The following GPC5 variants were observed in gnomAD, a reference collection of about 807,000 sequenced individuals.
The protein encoded by GPC5 is glypican-5.
GPC5 carries 47 observed loss-of-function variants against 53.9 expected under a neutral mutation model. The ratio of observed to expected loss-of-function variants is 0.87; its 90% CI spans 0.69 to 1.11. The LOEUF (loss-of-function observed/expected upper bound fraction) is 1.11. Ranked by LOEUF, GPC5 falls within the 50% of genes most tolerant of loss-of-function variation. The pLI is 0.00. For synonymous variants in GPC5, 286 were observed against 263.3 expected, an observed-to-expected ratio of 1.09 and a Z score of -0.84; for missense variants, 748 against 713.1, an observed-to-expected ratio of 1.05 and a Z score of -0.56.
intron 5 of GPC5, among the ~76,000 whole-genome samples, chr13:91,888,005 C>T (rs778455850): frequency 6.6e-6 from 1 of 152,242 alleles, no homozygotes; most frequent in Non-Finnish European, 1.5e-5. Context: ...GTACCCTACT[C>T]TACCAGTACC....
chr13:91,627,562 A>T (rs1459448401), intron 2 of GPC5, among the ~76,000 whole-genome samples: 1 of 152,042 alleles, frequency 6.6e-6, no homozygotes, highest in African/African-American at 2.4e-5. Context: ...AGTAGTACAG[A>T]CTCTAAATCT....
intron 7 of GPC5, among the ~76,000 whole-genome samples, chr13:92,256,446 A>T (rs1417664457): frequency 2.6e-5 from 4 of 152,048 alleles, no homozygotes; most frequent in Non-Finnish European, 5.9e-5. Context: ...TCAAACCCAG[A>T]ATATTGTCAG....
At chr13:92,663,671 A>T (rs1886434802) in intron 7 of GPC5, among the ~76,000 whole-genome samples, 1 of 142,666 alleles carries the variant, frequency 7.0e-6, no homozygotes, top group Non-Finnish European at 1.5e-5. Flanking sequence ...TATACTATAT[A>T]TATACACTAT....
intron 4 of GPC5, among the ~76,000 whole-genome samples, chr13:91,751,990 T>C (rs1324357500): frequency 1.3e-5 from 2 of 152,200 alleles, no homozygotes; most frequent in Non-Finnish European, 2.9e-5. Context: ...TCAATAGTTC[T>C]GGGGTTGAAA....
chr13:91,492,026 T>C (rs886905850), intron 2 of GPC5, among the ~76,000 whole-genome samples: 1 of 152,224 alleles, frequency 6.6e-6, no homozygotes, highest in Non-Finnish European at 1.5e-5. Flanking sequence ...TTTTTCTCTA[T>C]TATTACATGG....
At chr13:91,608,678 G>A (rs1179292105) in intron 2 of GPC5, among the ~76,000 whole-genome samples, 1 of 152,084 alleles carries the variant, frequency 6.6e-6, no homozygotes, top group African/African-American at 2.4e-5. Context: ...ATCTAGGGCT[G>A]TTCAGGGGAC....
chr13:92,284,256 C>G (rs943699452), intron 7 of GPC5, among the ~76,000 whole-genome samples: 4 of 151,280 alleles, frequency 2.6e-5, no homozygotes, highest in African/African-American at 9.7e-5. Flanking sequence ...AATAGCCTAC[C>G]AACCAAAAAA....
At chr13:91,497,306 A>G (rs572791139) in intron 2 of GPC5, among the ~76,000 whole-genome samples, 12 of 129,252 alleles carry the variant, frequency 9.3e-5, no homozygotes, top group East Asian at 9.1e-4. Context: ...TATGCTTCAG[A>G]TATTTTTTTT....
At chr13:91,486,321 A>G (rs754248368) in intron 2 of GPC5, 2 of 152,148 alleles carry the variant, frequency 1.3e-5, no homozygotes, top group African/African-American at 2.4e-5. Context: ...GCAGTTGACA[A>G]TTTGCCTCTC....
In GPC5 at chr13:92,314,482, T is replaced by C. The variant is rs182951450; in HGVS notation, c.1561+169493T>C. ...TAGTAACTATGATTCTAAGAGTATT[T>C]ATTCATCGTATTGTTTTGCCACTTA... On this transcript the variant is annotated intron_variant, in intron 7 of 7. Transcript: ENST00000377067. Among the ~76,000 whole-genome samples, 68 of 152,334 alleles carry C rather than the reference T, an allele frequency of 4.5e-4. 1 individual carries two copies. The South Asian group carries it at 0.013, about 30-fold the overall frequency.
At chr13:91,495,114 A>G (rs1884175083) in intron 2 of GPC5, among the ~76,000 whole-genome samples, 1 of 152,162 alleles carries the variant, frequency 6.6e-6, no homozygotes, top group African/African-American at 2.4e-5. Flanking sequence ...ATTAATGGGA[A>G]TTCTATTCTG....
chr13:92,434,892 A>G (rs1400447323), intron 7 of GPC5, among the ~76,000 whole-genome samples: 1 of 152,140 alleles, frequency 6.6e-6, no homozygotes, highest in Admixed American at 6.6e-5. Context: ...TTTGCTATCA[A>G]TATAACCATT....
intron 7 of GPC5, among the ~76,000 whole-genome samples, chr13:92,311,014 G>A (rs941177594): frequency 6.6e-6 from 1 of 152,024 alleles, no homozygotes; most frequent in Non-Finnish European, 1.5e-5. Flanking sequence ...GCCTTCAAAT[G>A]TTAAAGTAGT....
intron 7 of GPC5, among the ~76,000 whole-genome samples, chr13:92,545,803 G>A (rs890489965): frequency 7.9e-5 from 12 of 152,178 alleles, no homozygotes; most frequent in Non-Finnish European, 1.6e-4. Context: ...TGAGTTCATT[G>A]TAGATTCTGG....
intron 7 of GPC5, among the ~76,000 whole-genome samples, chr13:92,417,137 T>A (rs1427707811): frequency 3.3e-5 from 5 of 152,050 alleles, no homozygotes; most frequent in Admixed American, 2.0e-4. Flanking sequence ...ATAAAAAAAA[T>A]CATAAGTCAA....
intron 7 of GPC5, among the ~76,000 whole-genome samples, chr13:92,684,383 G>T (rs1441677158): frequency 6.6e-6 from 1 of 152,018 alleles, no homozygotes; most frequent in Non-Finnish European, 1.5e-5. Context: ...GGATTTTCCT[G>T]TCTCAGCCTC....
Position 92,778,988 on chromosome 13 carries a change from CAT to C in GPC5, c.1562-87281_1562-87280del, listed in dbSNP as rs768621109. Among the ~76,000 whole-genome samples the C allele has an allele frequency of 7.0e-3, 1,051 of 150,400 alleles. 15 individuals are homozygous for C. Among genetic ancestry groups the C allele is most frequent in the African/African-American group, 0.023 (947 of 41,032 alleles). On this transcript the variant is annotated intron_variant, in intron 7 of 7. Coordinates refer to ENST00000377067, the MANE Select transcript of GPC5 (RefSeq NM_004466.6). ...ATATACACACACACACACACACACA[CAT>C]ATATATATATATGCACACATATATA...
intron 7 of GPC5, among the ~76,000 whole-genome samples, chr13:92,757,822 T>C (rs1402185751): frequency 6.6e-6 from 1 of 152,062 alleles, no homozygotes. Flanking sequence ...CATTATAAAG[T>C]CAGGAAACAA....
intron 7 of GPC5, among the ~76,000 whole-genome samples, chr13:92,548,937 T>C (rs911072568): frequency 3.3e-5 from 5 of 152,110 alleles, no homozygotes; most frequent in Admixed American, 2.6e-4. Flanking sequence ...ATAAAAAGAC[T>C]ATAAATACTG....
Sources: allele counts gnomAD v4.1 joint callset (sites outside exome capture counted in the v4.1 genomes callset), GRCh38; gene constraint gnomAD v4.1.1; transcripts MANE v1.5; gene names NCBI Gene and HGNC (gene_info 2026-07-23, HGNC 2026-07-21).